The following PCDH15 variants were observed in gnomAD, a reference collection of about 807,000 sequenced individuals.
PCDH15 encodes the protein protocadherin related 15.
In PCDH15, 129 loss-of-function variants were observed where a neutral mutation model predicts 178.5. The ratio of observed to expected loss-of-function variants is 0.72; its 90% CI spans 0.63 to 0.84. PCDH15 has a LOEUF of 0.84. PCDH15 is among the 40% of genes least tolerant of loss of function. The pLI is 0.00. For missense variants in PCDH15, 2,230 were observed against 2,099.9 expected (o/e 1.06, Z -1.21); for synonymous variants, 800 against 732.0 (o/e 1.09, Z -1.50).
At chr10:54,112,787 A>T (rs1356259827) in intron 15 of PCDH15, among the ~76,000 whole-genome samples, 2 of 152,204 alleles carry the variant, frequency 1.3e-5, no homozygotes, top group African/African-American at 4.8e-5. Flanking sequence ...ATAATAATAT[A>T]TTTAAAGCTA....
intron 2 of PCDH15, among the ~76,000 whole-genome samples, chr10:55,511,050 TG>T (rs1039660823): frequency 2.0e-5 from 3 of 150,778 alleles, no homozygotes; most frequent in African/African-American, 7.3e-5. Flanking sequence ...TTTGTTTGTT[TG>T]TTTTTTTTTT....
intron 3 of PCDH15, among the ~76,000 whole-genome samples, chr10:54,870,643 G>C (rs554974433): frequency 6.6e-6 from 1 of 151,838 alleles, no homozygotes; most frequent in South Asian, 2.1e-4. Flanking sequence ...AAAATTAGCC[G>C]GGCGTGGTGG....
intron 21 of PCDH15, among the ~76,000 whole-genome samples, chr10:53,966,580 C>A (rs1274568984): frequency 6.6e-6 from 1 of 151,994 alleles, no homozygotes; most frequent in African/African-American, 2.4e-5. Flanking sequence ...TGAATCAAGT[C>A]AAATTCATTG....
intron 2 of PCDH15, among the ~76,000 whole-genome samples, chr10:55,043,154 TGA>T (rs879556176): frequency 2.6e-5 from 4 of 152,000 alleles, no homozygotes; most frequent in Non-Finnish European, 4.4e-5. Flanking sequence ...ATTTTTTTGG[TGA>T]GAGGGAAGTA....
chr10:55,480,930 C>T (rs1444483094), intron 2 of PCDH15, among the ~76,000 whole-genome samples: 1 of 151,672 alleles, frequency 6.6e-6, no homozygotes, highest in Non-Finnish European at 1.5e-5. Context: ...CTTCTTAGTA[C>T]ACCTGGTAGA....
At chr10:54,737,576 GC>G (rs1331718263) in intron 1 of PCDH15, among the ~76,000 whole-genome samples, 1 of 151,936 alleles carries the variant, frequency 6.6e-6, no homozygotes, top group Non-Finnish European at 1.5e-5. Context: ...AAAAGTCAGG[GC>G]CATTTTCTTA....
At chr10:55,555,128 G>T (rs903250536) in intron 2 of PCDH15, among the ~76,000 whole-genome samples, 6 of 152,016 alleles carry the variant, frequency 3.9e-5, no homozygotes, top group African/African-American at 1.4e-4. Flanking sequence ...TGGGATCATA[G>T]AAGCTATTTC....
rs10825135 is a variant in PCDH15 at position 53,866,607 on chromosome 10, A to G, written c.3717+35T>C. The G allele has an allele frequency of 0.39, 599,102 of 1,518,040 alleles. 124,726 individuals are homozygous for G. Among genetic ancestry groups the G allele is most frequent in the Middle Eastern group, 0.52 (3,066 of 5,888 alleles). The allele number at this position is 1,518,040 out of a possible 1,614,324, so 94.0% of individuals were successfully genotyped here. On this transcript the variant is annotated intron_variant, in intron 27 of 37. Coordinates refer to ENST00000644397, the MANE Select transcript of PCDH15 (RefSeq NM_001384140.1). ...AACACTGACCTATGGCTAGTATCGT[A>G]GCTACTTCCCTTTCCTGAAGTTTTA...
chr10:54,493,634 C>T (rs975688047), intron 3 of PCDH15, among the ~76,000 whole-genome samples: 41 of 152,054 alleles, frequency 2.7e-4, no homozygotes, highest in Non-Finnish European at 4.3e-4. Context: ...AGAAACTCCC[C>T]CACCCGACTG....
chr10:54,273,535 A>G (rs908308512), intron 8 of PCDH15, among the ~76,000 whole-genome samples: 7 of 152,124 alleles, frequency 4.6e-5, no homozygotes, highest in African/African-American at 1.7e-4. Flanking sequence ...AATGTAAGCC[A>G]TAATGAGCAC....
chr10:54,165,159 C>T (rs374603764), intron 13 of PCDH15, among the ~76,000 whole-genome samples: 7 of 151,264 alleles, frequency 4.6e-5, no homozygotes, highest in African/African-American at 1.7e-4. Flanking sequence ...TTCTCTGTGG[C>T]CTTAATGTGA....
intron 2 of PCDH15, among the ~76,000 whole-genome samples, chr10:55,542,451 T>C (rs189722229): frequency 1.3e-5 from 2 of 151,090 alleles, no homozygotes; most frequent in African/African-American, 2.4e-5. Flanking sequence ...GTAATATATG[T>C]ATTTAATACG....
At position 54,192,166 on chromosome 10, in the gene PCDH15, G is replaced by GAA. The variant is rs1342089316; in HGVS notation, c.1305+3515_1305+3516dup. ...AAAGAAAGAAAGAAAAAGAAAGAAA[G>GAA]AAAGAAAAAGAAAGAGAAAGAAAGA... On this transcript the variant is annotated intron_variant, in intron 11 of 37. Coordinates refer to ENST00000644397, the MANE Select transcript of PCDH15 (RefSeq NM_001384140.1). 1.9e-3 allele frequency among the ~76,000 whole-genome samples: 267 copies of GAA among 139,022 alleles called. 3 individuals carry two copies. The highest frequency in any genetic ancestry group is 7.0e-3 in the African/African-American group (242 of 34,642). 91.2% of individuals were successfully genotyped at this position (139,022 alleles called of 152,430 possible). A position where few individuals can be genotyped will look rare whatever the true frequency, so the allele number is the denominator to read the frequency against.
chr10:54,100,364 CAAA>C (rs5785037), intron 15 of PCDH15, among the ~76,000 whole-genome samples: 2 of 128,528 alleles, frequency 1.6e-5, no homozygotes, highest in Non-Finnish European at 3.4e-5. Context: ...GACTCCGTCT[CAAA>C]AAAAAAAAAA....
intron 1 of PCDH15, among the ~76,000 whole-genome samples, chr10:55,211,167 G>A (rs904645350): frequency 9.2e-5 from 14 of 151,980 alleles, no homozygotes; most frequent in African/African-American, 3.4e-4. Flanking sequence ...AGACCAAAGG[G>A]GAAAGTGGGA....
intron 8 of PCDH15, among the ~76,000 whole-genome samples, chr10:54,265,275 A>T (rs1185172636): frequency 6.6e-6 from 1 of 152,106 alleles, no homozygotes; most frequent in East Asian, 1.9e-4. Context: ...CTAAATGTGG[A>T]TGTGAAAGAA....
In PCDH15 at chr10:54,549,649, C is replaced by A. The variant is rs533795300; in HGVS notation, c.92-21772G>T. ...ACTTAACAGTAGTAGTAGTATCAAA[C>A]CTATACCTTTGGTATAGGTTTTTAT... On this transcript the variant is annotated intron_variant, in intron 2 of 37. Coordinates refer to ENST00000644397, the MANE Select transcript of PCDH15 (RefSeq NM_001384140.1). 2.0e-3 allele frequency among the ~76,000 whole-genome samples: 306 copies of A among 151,532 alleles called. 1 individual carries two copies. Among genetic ancestry groups the A allele is most frequent in the African/African-American group, 7.2e-3 (297 of 41,440 alleles).
intron 3 of PCDH15, among the ~76,000 whole-genome samples, chr10:54,822,803 T>C (rs531180636): frequency 6.6e-6 from 1 of 152,002 alleles, no homozygotes; most frequent in Non-Finnish European, 1.5e-5. Flanking sequence ...TTGTTACTTG[T>C]CTTTTTGTTA....
chr10:54,440,186 G>A (rs1208188491), intron 3 of PCDH15, among the ~76,000 whole-genome samples: 22 of 151,976 alleles, frequency 1.4e-4, no homozygotes, highest in Non-Finnish European at 2.2e-4. Context: ...CAACAAAAAC[G>A]ATGCTGTGCT....
Sources: allele counts gnomAD v4.1 joint callset (sites outside exome capture counted in the v4.1 genomes callset), GRCh38; gene constraint gnomAD v4.1.1; transcripts MANE v1.5; gene names NCBI Gene and HGNC (gene_info 2026-07-23, HGNC 2026-07-21).